Variants in SRGAP3 observed in about 807,000 individuals in gnomAD.
SRGAP3 encodes SLIT-ROBO Rho GTPase activating protein 3.
A neutral mutation model predicts 121.1 loss-of-function variants in SRGAP3; 39 were observed. That is an observed-to-expected ratio of 0.32 (90% CI 0.25 to 0.42). SRGAP3 has a LOEUF of 0.42. Ranked by LOEUF, SRGAP3 falls within the 10% of genes least tolerant of loss-of-function variation. SRGAP3 has a pLI of 1.00. For missense variants in SRGAP3, 1,213 were observed against 1,470.6 expected (o/e 0.82, Z 2.86); for synonymous variants, 601 against 570.0 (o/e 1.05, Z -0.77).
chr3:9,195,308 T>C (rs529662819), intron 1 of SRGAP3, among the ~76,000 whole-genome samples: 4 of 152,364 alleles, frequency 2.6e-5, no homozygotes, highest in Non-Finnish European at 4.4e-5. Flanking sequence ...TAATTGTTAA[T>C]AGTGGCTCAC....
chr3:9,064,143 C>T (rs1281683271), intron 5 of SRGAP3, among the ~76,000 whole-genome samples: 2 of 152,194 alleles, frequency 1.3e-5, no homozygotes, highest in African/African-American at 2.4e-5. Context: ...AGTTGAGCAC[C>T]TCGTCTGCCT....
chr3:9,251,225 A>G (rs1234004004), upstream of SRGAP3, among the ~76,000 whole-genome samples: 1 of 152,158 alleles, frequency 6.6e-6, no homozygotes, highest in Non-Finnish European at 1.5e-5. Context: ...ACCTGCTTGG[A>G]GCAACGACAG....
In SRGAP3 at chr3:9,249,333, C is replaced by T. The variant is rs1056672229; in HGVS notation, c.-382G>A. ...CTCACGCATGCACAGGCACACTCAC[C>T]GGGACACGCACACAGTTGTGCTGTG... On this transcript the variant is annotated 5_prime_UTR_variant, in exon 1 of 22. Transcript: ENST00000383836. 11 of 424,360 alleles carry T rather than the reference C, an allele frequency of 2.6e-5. No homozygotes were observed. Among genetic ancestry groups the T allele is most frequent in the South Asian group, 1.2e-4 (5 of 42,134 alleles). 26.3% of individuals were successfully genotyped at this position (424,360 alleles called of 1,614,324 possible).
At chr3:9,252,090 G>A (rs1463985859), upstream of SRGAP3, among the ~76,000 whole-genome samples, 1 of 152,172 alleles carries the variant, frequency 6.6e-6, no homozygotes, top group East Asian at 1.9e-4. Flanking sequence ...CCTCAGGAAT[G>A]GCTTGGTGTC....
intron 1 of SRGAP3, among the ~76,000 whole-genome samples, chr3:9,235,276 A>C (rs1416069965): frequency 6.6e-6 from 1 of 152,226 alleles, no homozygotes; most frequent in Admixed American, 6.5e-5. Flanking sequence ...CTCTGCCTTA[A>C]AGATCTATGA....
intron 3 of SRGAP3, among the ~76,000 whole-genome samples, chr3:9,097,686 A>C (rs528844399): frequency 6.6e-6 from 1 of 152,326 alleles, no homozygotes; most frequent in South Asian, 2.1e-4. Context: ...CAGCTGCAGG[A>C]AAGTGCTGCC....
intron 13 of SRGAP3, among the ~76,000 whole-genome samples, chr3:9,026,390 C>T (rs1384299669): frequency 6.6e-6 from 1 of 152,140 alleles, no homozygotes; most frequent in African/African-American, 2.4e-5. Flanking sequence ...TGCCTGTATT[C>T]CCACTCTCCA....
chr3:9,192,234 A>C (rs1951774457), intron 1 of SRGAP3, among the ~76,000 whole-genome samples: 1 of 152,198 alleles, frequency 6.6e-6, no homozygotes, highest in Non-Finnish European at 1.5e-5. Flanking sequence ...AGCCCTTGGA[A>C]TATCGTGCCT....
chr3:9,138,860 TG>T (rs1240712444), intron 1 of SRGAP3, among the ~76,000 whole-genome samples: 2 of 152,252 alleles, frequency 1.3e-5, no homozygotes, highest in African/African-American at 4.8e-5. Flanking sequence ...TTATTATGAA[TG>T]GGCAAATATT....
rs113773884 is a variant in SRGAP3 at position 8,980,633 on chromosome 3, C to T, written c.*4886G>A. The T allele has an allele frequency of 6.5e-5, 15 of 229,686 alleles. No homozygotes were observed. Among genetic ancestry groups the T allele is most frequent in the African/African-American group, 1.3e-4 (6 of 45,020 alleles). The allele number at this position is 229,686 out of a possible 1,614,324, so 14.2% of individuals were successfully genotyped here. On this transcript the variant is annotated 3_prime_UTR_variant, in exon 22 of 22. Coordinates refer to ENST00000383836, the MANE Select transcript of SRGAP3 (RefSeq NM_014850.4). ...TGTTTTATTTCACAGGATAGCTCCA[C>T]GTCAAACCAGCAGGCACCATCAGAA...
At chr3:9,202,250 G>A (rs1952090626) in intron 1 of SRGAP3, among the ~76,000 whole-genome samples, 2 of 152,150 alleles carry the variant, frequency 1.3e-5, no homozygotes. Context: ...TGAGGCAGTT[G>A]GACTGGGGAC....
chr3:9,275,681 T>C (rs1199891902), intron 3 of SRGAP3, among the ~76,000 whole-genome samples: 1 of 152,190 alleles, frequency 6.6e-6, no homozygotes. Context: ...TCATTCTCTC[T>C]TACCTGCTGC....
At chr3:9,242,701 T>C (rs190959675) in intron 1 of SRGAP3, among the ~76,000 whole-genome samples, 265 of 152,318 alleles carry the variant, frequency 1.7e-3, no homozygotes, top group Middle Eastern at 6.8e-3. Flanking sequence ...CTTTTTCTTT[T>C]TTTGAGACAG....
At chr3:9,296,002 T>G (rs550817756) in intron 3 of SRGAP3, among the ~76,000 whole-genome samples, 185 of 152,346 alleles carry the variant, frequency 1.2e-3, no homozygotes, top group African/African-American at 4.3e-3. Context: ...TAATATTCAT[T>G]GTATACTTAG....
intron 1 of SRGAP3, among the ~76,000 whole-genome samples, chr3:9,147,043 C>G (rs1010931866): frequency 1.3e-5 from 2 of 152,142 alleles, no homozygotes; most frequent in Non-Finnish European, 2.9e-5. Flanking sequence ...AGTACTGAAT[C>G]TATACCCAAC....
At chr3:9,188,511 A>G (rs1353184083) in intron 1 of SRGAP3, among the ~76,000 whole-genome samples, 1 of 152,208 alleles carries the variant, frequency 6.6e-6, no homozygotes, top group East Asian at 1.9e-4. Context: ...TCTGCCACAT[A>G]TGCCTTCTCC....
chr3:9,122,616 G>A (rs754809312), intron 2 of SRGAP3, among the ~76,000 whole-genome samples: 6 of 151,758 alleles, frequency 4.0e-5, no homozygotes, highest in Non-Finnish European at 7.4e-5. Context: ...GGCTGAGGCA[G>A]GAGAATTGCT....
chr3:9,273,604 C>A (rs761623630), intron 3 of SRGAP3, among the ~76,000 whole-genome samples: 14 of 152,020 alleles, frequency 9.2e-5, no homozygotes, highest in African/African-American at 2.4e-5. Flanking sequence ...TGATGTAGTC[C>A]GATTTATTTT....
At chr3:9,247,784 A>G (rs1953874773) in intron 1 of SRGAP3, among the ~76,000 whole-genome samples, 1 of 152,256 alleles carries the variant, frequency 6.6e-6, no homozygotes. Context: ...CCTGTGTCGC[A>G]GCAAGGAGAA....
Sources: gnomAD v4.1 joint callset for allele counts (sites outside exome capture counted in the v4.1 genomes callset) on GRCh38, gnomAD v4.1.1 for gene constraint, MANE v1.5 for transcripts, NCBI Gene and HGNC (gene_info 2026-07-23, HGNC 2026-07-21) for gene names.